Variants in PCDH10 observed in about 807,000 individuals in gnomAD.
The protein encoded by PCDH10 is protocadherin-10.
In PCDH10, 15 loss-of-function variants were observed where a neutral mutation model predicts 74.4. The observed-to-expected ratio is 0.20, with a 90% CI of 0.13 to 0.31. The LOEUF (loss-of-function observed/expected upper bound fraction) is 0.31, where lower values mean the gene tolerates loss of function less well. Among genes scored for constraint, PCDH10 ranks in the 10% least tolerant of loss-of-function variants. PCDH10 has a pLI of 1.00. For missense variants in PCDH10, 1,260 were observed against 1,390.2 expected, an observed-to-expected ratio of 0.91 and a Z score of 1.49; for synonymous variants, 619 against 589.8, an observed-to-expected ratio of 1.05 and a Z score of -0.72.
At chr4:133,184,963 T>A (rs2125871898) in intron 4 of PCDH10, among the ~76,000 whole-genome samples, 1 of 148,252 alleles carries the variant, frequency 6.7e-6, no homozygotes, top group Admixed American at 6.8e-5. Context: ...AACTCAATTT[T>A]GTTTGATTTA....
chr4:133,169,623 A>G (rs1026837897), intron 4 of PCDH10, among the ~76,000 whole-genome samples: 2 of 152,044 alleles, frequency 1.3e-5, no homozygotes, highest in Admixed American at 6.5e-5. Flanking sequence ...AAGACTATCA[A>G]TTAAAATATA....
Position 133,158,357 on chromosome 4 carries a change from C to T in PCDH10, c.2797+3334C>T, listed in dbSNP as rs1401054915. On this transcript the variant is annotated intron_variant, in intron 3 of 4. Coordinates refer to ENST00000264360, the MANE Select transcript of PCDH10 (RefSeq NM_032961.3). Reference sequence around the variant, plus strand: ...TACCTACATTGTCAATAATGCTAAGCTTAATTATAGATTTATTTTTAATAC... The same window carrying T: ...TACCTACATTGTCAATAATGCTAAGTTTAATTATAGATTTATTTTTAATAC... Among the ~76,000 whole-genome samples the T allele has an allele frequency of 2.0e-5, 3 of 151,854 alleles. No individual in the cohort carries two copies. In the South Asian group the frequency reaches 6.2e-4, roughly 31 times the overall value.
In PCDH10 at chr4:133,207,123, A is replaced by G. The variant is rs562630517; in HGVS notation, n.438-953A>G. 1.4e-4 allele frequency among the ~76,000 whole-genome samples: 21 copies of G among 152,222 alleles called. No homozygotes were observed. The East Asian group carries it at 4.0e-3, about 29-fold the overall frequency. ...GAAATGATATCTAAAGTAATTTTAA[A>G]TCAATAATGTTAAAACCAAAGGGGT... On this transcript the variant is annotated intron_variant and non_coding_transcript_variant, in intron 2 of 2. Transcript: ENST00000511112.
At chr4:133,165,679 T>C (rs1012645672) in intron 4 of PCDH10, among the ~76,000 whole-genome samples, 1 of 151,772 alleles carries the variant, frequency 6.6e-6, no homozygotes, top group Admixed American at 6.6e-5. Context: ...TACATTTTGA[T>C]GTTAGGAAAA....
chr4:133,163,127 A>G lies in PCDH10; in HGVS notation c.2948A>G (p.Asp983Gly), dbSNP rs1727003966. Residue 983 changes from aspartate to glycine, a missense_variant, in exon 4 of 5, where the codon GAC becomes GGC. Coordinates refer to ENST00000264360, the MANE Select transcript of PCDH10 (RefSeq NM_032961.3). ...LHVPGMDSVP[D>G]TEVFETPEAQ... is the part of the protein sequence containing the mutation. ...GTTCCTGGCATGGACTCTGTTCCAG[A>G]CACTGAGGTGTTTGAAACTCCAGAA... is the stretch of plus-strand genomic sequence containing the variant. The G allele has an allele frequency of 6.2e-7, 1 of 1,614,120 alleles. No homozygotes were observed. Among genetic ancestry groups the G allele is most frequent in the Non-Finnish European group, 8.5e-7 (1 of 1,180,010 alleles).
At chr4:133,177,299 A>G (rs116784125) in intron 4 of PCDH10, among the ~76,000 whole-genome samples, 5,450 of 152,242 alleles carry the variant, frequency 0.036, 244 homozygotes, top group African/African-American at 0.11. Context: ...TATCTAATAA[A>G]CCTGATTCTC....
In PCDH10 at chr4:133,199,781, T is replaced by C. The variant is rs569152463; in HGVS notation, n.438-8295T>C. ...TTTTTAATTATTATTATTATTATTA[T>C]TATTACTATTATTATTATTATTATT... is the stretch of plus-strand genomic sequence containing the variant. On this transcript the variant is annotated intron_variant and non_coding_transcript_variant, in intron 2 of 2. Coordinates refer to the PCDH10 transcript ENST00000511112. Among the ~76,000 whole-genome samples, 631 of 124,194 alleles carry C rather than the reference T, an allele frequency of 5.1e-3. 5 individuals are homozygous for C. The highest frequency in any genetic ancestry group is 0.014 in the African/African-American group (547 of 37,876). 81.5% of individuals were successfully genotyped at this position (124,194 alleles called of 152,430 possible). A position where few individuals can be genotyped will look rare whatever the true frequency, so the allele number is the denominator to read the frequency against.
chr4:133,208,320 A>G (rs185168623), exon 3 of PCDH10: 89 of 152,284 alleles, frequency 5.8e-4, no homozygotes, highest in African/African-American at 2.0e-3. Flanking sequence ...TTATGTTGTG[A>G]GGTTTTGGGG....
intron 4 of PCDH10, among the ~76,000 whole-genome samples, chr4:133,165,520 T>C (rs963569365): frequency 3.3e-5 from 5 of 151,756 alleles, no homozygotes; most frequent in African/African-American, 9.7e-5. Flanking sequence ...AGAATAGAAA[T>C]AGTGTCATCT....
At chr4:133,203,460 G>T (rs575785630) in intron 2 of PCDH10, among the ~76,000 whole-genome samples, 32 of 152,204 alleles carry the variant, frequency 2.1e-4, no homozygotes, top group Non-Finnish European at 2.9e-4. Flanking sequence ...GACTTAAGTT[G>T]GGTTTTAAAT....
chr4:133,163,455 C>T (rs927515579), intron 4 of PCDH10, among the ~76,000 whole-genome samples, 173 bp downstream of exon 4: 2 of 151,944 alleles, frequency 1.3e-5, no homozygotes, highest in African/African-American at 4.8e-5. Context: ...TAATAGATTC[C>T]TCTAACATTG....
intron 2 of PCDH10, among the ~76,000 whole-genome samples, chr4:133,199,920 C>G (rs1727869724): frequency 6.6e-6 from 1 of 151,042 alleles, no homozygotes; most frequent in East Asian, 1.9e-4. Flanking sequence ...GCCTCAGCCT[C>G]CCGAGCTGCT....
At chr4:133,158,535 C>A (rs1351956560) in intron 3 of PCDH10, among the ~76,000 whole-genome samples, 2 of 151,956 alleles carry the variant, frequency 1.3e-5, no homozygotes, top group African/African-American at 4.8e-5. Flanking sequence ...TAGTTTCTAA[C>A]TAATTATAGA....
At chr4:133,156,763 A>C (rs1726874976) in intron 3 of PCDH10, among the ~76,000 whole-genome samples, 1 of 152,194 alleles carries the variant, frequency 6.6e-6, no homozygotes, top group Admixed American at 6.5e-5. Context: ...CATTTCAATT[A>C]GTTTAGTCCC....
chr4:133,201,635 TC>T lies in PCDH10; in HGVS notation n.438-6440del, dbSNP rs1158364732. 7.2e-5 allele frequency among the ~76,000 whole-genome samples: 11 copies of T among 152,108 alleles called. No homozygotes were observed. In the East Asian group the frequency reaches 1.9e-3, roughly 27 times the overall value. On this transcript the variant is annotated intron_variant and non_coding_transcript_variant, in intron 2 of 2. Coordinates refer to the PCDH10 transcript ENST00000511112. ...ACTTTGGGAGGCCAAGGTGGGCAGA[TC>T]AACTGAGGTCGGAAGTTTGAGACCC...
chr4:133,170,793 A>ACCAG (rs1727186975), intron 4 of PCDH10, among the ~76,000 whole-genome samples: 2 of 152,034 alleles, frequency 1.3e-5, no homozygotes, highest in African/African-American at 4.8e-5. Context: ...CCCGGGTTCG[A>ACCAG]GCGATTTTCC....
intron 4 of PCDH10, among the ~76,000 whole-genome samples, chr4:133,185,602 G>T (rs752342597): frequency 2.6e-5 from 4 of 152,020 alleles, no homozygotes; most frequent in Non-Finnish European, 5.9e-5. Flanking sequence ...CTTCTTGTAC[G>T]CTAGATGCAT....
intron 3 of PCDH10, among the ~76,000 whole-genome samples, chr4:133,160,075 A>T (rs966709339): frequency 4.6e-5 from 7 of 151,998 alleles, no homozygotes; most frequent in African/African-American, 1.7e-4. Context: ...ATAACTACAT[A>T]ACAAATGAAA....
chr4:133,178,244 CT>C (rs1007038642), intron 4 of PCDH10, among the ~76,000 whole-genome samples: 3 of 150,130 alleles, frequency 2.0e-5, no homozygotes, highest in South Asian at 2.1e-4. Flanking sequence ...TTTTGTTTTT[CT>C]TTTTTTTTGA....
Sources: gnomAD v4.1 joint callset for allele counts (sites outside exome capture counted in the v4.1 genomes callset) on GRCh38, gnomAD v4.1.1 for gene constraint, MANE v1.5 for transcripts, NCBI Gene and HGNC (gene_info 2026-07-23, HGNC 2026-07-21) for gene names.